The following CTSB variants were observed in gnomAD, a reference collection of about 807,000 sequenced individuals.
CTSB encodes APP secretase.
A neutral mutation model predicts 44.3 loss-of-function variants in CTSB; 57 were observed. The ratio of observed to expected loss-of-function variants is 1.29; its 90% confidence interval spans 1.04 to 1.60. CTSB has a LOEUF of 1.60. Ranked by LOEUF, CTSB falls within the 40% of genes most tolerant of loss-of-function variation. The pLI is 0.00. For synonymous variants in CTSB, 320 were observed against 168.0 expected, an observed-to-expected ratio of 1.91 and a Z score of -7.00; for missense variants, 768 against 443.0, an observed-to-expected ratio of 1.73 and a Z score of -6.59.
chr8:11,855,953 A>C (rs903110277), intron 1 of CTSB, among the ~76,000 whole-genome samples: 1 of 152,140 alleles, frequency 6.6e-6, no homozygotes, highest in African/African-American at 2.4e-5. Flanking sequence ...ACTTGAACCC[A>C]GGAGGTGGAG....
chr8:11,847,006 C>A, intron 8 of CTSB, 46 bp downstream of exon 8: 1 of 930,756 alleles, frequency 1.1e-6, no homozygotes, highest in Non-Finnish European at 1.8e-6. Flanking sequence ...ACCCAGGCTC[C>A]CCTCCCGACC....
intron 1 of CTSB, chr8:11,865,432 T>TA (rs1177952129): frequency 2.6e-5 from 4 of 151,882 alleles, no homozygotes; most frequent in South Asian, 2.1e-4. Flanking sequence ...CTACTAAAAA[T>TA]AAAAAAATTA....
At chr8:11,867,415 C>G (rs981171334) in intron 1 of CTSB, 2 of 152,304 alleles carry the variant, frequency 1.3e-5, no homozygotes, top group African/African-American at 4.8e-5. Context: ...TAACACCGTG[C>G]GGCTTCCTCC....
chr8:11,852,109 G>T (rs532073724), intron 3 of CTSB, among the ~76,000 whole-genome samples: 1 of 152,126 alleles, frequency 6.6e-6, no homozygotes, highest in East Asian at 1.9e-4. Flanking sequence ...GGCTCATGCC[G>T]GTAATCCCAG....
intron 7 of CTSB, among the ~76,000 whole-genome samples, chr8:11,847,410 T>C (rs1316080540): frequency 2.6e-5 from 4 of 152,080 alleles, no homozygotes; most frequent in Non-Finnish European, 4.4e-5. Flanking sequence ...CCAGGATACC[T>C]CAAGACTCCA....
rs528266563 is a variant in CTSB at position 11,856,050 on chromosome 8, A to G, written c.-25-2571T>C. Among the ~76,000 whole-genome samples, 13 of 152,226 alleles carry G rather than the reference A, an allele frequency of 8.5e-5. No individual in the cohort carries two copies. The East Asian group carries it at 1.4e-3, about 16-fold the overall frequency. On this transcript the variant is annotated intron_variant, in intron 1 of 9. Transcript: ENST00000353047. ...CAAAAATAAAATAAAATAAAGTAAA[A>G]TAAGTTCAACCTCAGGGAGGTGCAG...
At chr8:11,865,060 TG>T (rs1466271702) in intron 1 of CTSB, among the ~76,000 whole-genome samples, 1 of 152,200 alleles carries the variant, frequency 6.6e-6, no homozygotes. Context: ...TCAGGCAGCC[TG>T]GGACCAGACG....
chr8:11,848,614 G>T (rs76323512), intron 5 of CTSB: 1 of 319,824 alleles, frequency 3.1e-6, no homozygotes, highest in East Asian at 7.7e-5. Context: ...AGTGAACACC[G>T]CTACTGCGGA....
At chr8:11,846,034 G>A (rs1350586893) in intron 8 of CTSB, 9 of 346,936 alleles carry the variant, frequency 2.6e-5, no homozygotes, top group South Asian at 1.7e-4. Flanking sequence ...TGTGCTTGTT[G>A]GCTTTAAAAA....
At chr8:11,862,652 C>T (rs925143751) in intron 1 of CTSB, among the ~76,000 whole-genome samples, 4 of 152,196 alleles carry the variant, frequency 2.6e-5, no homozygotes, top group Non-Finnish European at 5.9e-5. Flanking sequence ...TTTGATGATA[C>T]GCTTCCAACC....
In CTSB at chr8:11,851,669, C is replaced by T. The variant is rs543968943; in HGVS notation, c.213-689G>A. On this transcript the variant is annotated intron_variant, in intron 3 of 9. Transcript: ENST00000353047. Reference sequence around the variant, plus strand: ...CTCTCATCATTTCTCATATCATCCCCATTGTGCAGAAGGCAGTGTCGTGCA... The same window carrying T: ...CTCTCATCATTTCTCATATCATCCCTATTGTGCAGAAGGCAGTGTCGTGCA... Among the ~76,000 whole-genome samples the T allele has an allele frequency of 2.6e-5, 4 of 152,262 alleles. No individual in the cohort carries two copies. The East Asian group carries it at 7.7e-4, about 29-fold the overall frequency.
At chr8:11,855,547 G>T (rs942256713) in intron 1 of CTSB, among the ~76,000 whole-genome samples, 1 of 152,134 alleles carries the variant, frequency 6.6e-6, no homozygotes, top group African/African-American at 2.4e-5. Flanking sequence ...AGGATTGACA[G>T]GAAACACAGC....
At chr8:11,858,600 T>G (rs1002716575) in intron 1 of CTSB, among the ~76,000 whole-genome samples, 1 of 152,228 alleles carries the variant, frequency 6.6e-6, no homozygotes, top group African/African-American at 2.4e-5. Context: ...AAACAAGCTC[T>G]TAACTTCAAT....
At position 11,848,199 on chromosome 8, in the gene CTSB, G is replaced by C. The variant is rs773675621; in HGVS notation, c.447-47C>G. The C allele has an allele frequency of 2.0e-6, 3 of 1,522,412 alleles. No individual in the cohort carries two copies. The East Asian group carries it at 6.7e-5, about 34-fold the overall frequency. The allele number at this position is 1,522,412 out of a possible 1,614,324, so 94.3% of individuals were successfully genotyped here. On this transcript the variant is annotated intron_variant, in intron 5 of 9. Transcript: ENST00000353047. ...AAAACCTCTGAGAGAAGCACCACCA[G>C]CTCTCCAGACCACTGTGTGCTACCC...
In CTSB at chr8:11,845,584, G is replaced by T. The variant is rs1238741595; in HGVS notation, c.922+77C>A. On this transcript the variant is annotated intron_variant, in intron 9 of 9. Transcript: ENST00000353047. ...AGGGTTTAAGGCTGTGCGGTGGGTA[G>T]AACAGAGAAAGCCGAGATGGCCACG... is the stretch of plus-strand genomic sequence containing the variant. The T allele has an allele frequency of 3.2e-6, 5 of 1,545,128 alleles. No individual in the cohort carries two copies. In the East Asian group the frequency reaches 1.1e-4, roughly 35 times the overall value.
At chr8:11,860,578 C>T (rs1350009801) in intron 1 of CTSB, among the ~76,000 whole-genome samples, 2 of 152,126 alleles carry the variant, frequency 1.3e-5, no homozygotes, top group African/African-American at 2.4e-5. Context: ...GGGCTGAGAT[C>T]GCACCATTGC....
At chr8:11,866,368 C>T (rs1462073732) in intron 1 of CTSB, among the ~76,000 whole-genome samples, 1 of 152,258 alleles carries the variant, frequency 6.6e-6, no homozygotes, top group African/African-American at 2.4e-5. Context: ...GTGCCAGGGC[C>T]GTGTCTGGCC....
rs747066753 is a variant in CTSB, at chr8:11,845,678, G to A, written c.905C>T (p.Thr302Ile). The change falls in exon 9 of 10, where the codon ACT becomes ATT. Residue 302 changes from threonine (T) to isoleucine (I), a missense_variant. Transcript: ENST00000353047. ...CCACTCACCATTGTCACCCCAGTCA[G>A]TGTTCCAGGAGTTGGCAACCAGCCA... is the stretch of plus-strand genomic sequence containing the variant. Reference protein sequence around the residue: ...PYWLVANSWNTDWGDNGFFKI... With the variant: ...PYWLVANSWNIDWGDNGFFKI... 1 of 1,613,798 alleles carries A rather than the reference G, an allele frequency of 6.2e-7. No individual in the cohort carries two copies. The highest frequency in any genetic ancestry group is 2.2e-5 in the East Asian group (1 of 44,872).
At chr8:11,845,526 C>T (rs1346078025) in intron 9 of CTSB, 135 bp downstream of exon 9, 1 of 1,101,462 alleles carries the variant, frequency 9.1e-7, no homozygotes. Flanking sequence ...CTGCCTGGCA[C>T]TTAGGAGGAG....
Sources: allele counts gnomAD v4.1 joint callset (sites outside exome capture counted in the v4.1 genomes callset), GRCh38; gene constraint gnomAD v4.1.1; transcripts MANE v1.5; gene names NCBI Gene and HGNC (gene_info 2026-07-23, HGNC 2026-07-21).